The following BCCIP variants were observed in gnomAD, a reference collection of about 807,000 sequenced individuals.
BCCIP encodes BRCA2 and CDKN1A-interacting protein.
A neutral mutation model predicts 32.8 loss-of-function variants in BCCIP; 23 were observed. The ratio of observed to expected loss-of-function variants is 0.70; its 90% CI spans 0.51 to 0.99. The LOEUF is 0.99. Among genes scored for constraint, BCCIP ranks in the 50% least tolerant of loss-of-function variants. The pLI, the probability that BCCIP is intolerant of heterozygous loss-of-function variation, is 0.00. For synonymous variants in BCCIP, 144 were observed against 137.6 expected (o/e 1.05, Z -0.33); for missense variants, 378 against 379.8 (o/e 1.00, Z 0.04).
intron 6 of BCCIP, among the ~76,000 whole-genome samples, chr10:125,835,253 T>A (rs943315152): frequency 2.6e-5 from 4 of 151,842 alleles, no homozygotes; most frequent in African/African-American, 9.7e-5. Flanking sequence ...AGCTGTGCCC[T>A]TCTTTTCCAG....
At chr10:125,831,691 A>C in intron 5 of BCCIP, 84 bp downstream of exon 5, 1 of 1,337,976 alleles carries the variant, frequency 7.5e-7, no homozygotes, top group African/African-American at 1.5e-5. Context: ...GAATATGTAG[A>C]TATAGAAAGA....
At chr10:125,829,700 G>T in intron 3 of BCCIP, among the ~76,000 whole-genome samples, 1 of 152,188 alleles carries the variant, frequency 6.6e-6, no homozygotes, top group Non-Finnish European at 1.5e-5. Flanking sequence ...AGGGCAATGG[G>T]AAAAAGCAGA....
intron 7 of BCCIP, among the ~76,000 whole-genome samples, chr10:125,850,354 C>CT (rs765077777): frequency 0.045 from 5,596 of 124,532 alleles, 310 homozygotes; most frequent in African/African-American, 0.11. Context: ...TTCTTTCTTT[C>CT]TTTTTTTTTT....
chr10:125,851,877 C>T (rs540030580), intron 7 of BCCIP, among the ~76,000 whole-genome samples: 49 of 142,220 alleles, frequency 3.4e-4, no homozygotes, highest in Non-Finnish European at 5.7e-4. Context: ...GCTATGATCA[C>T]GCCACTGTAC....
intron 3 of BCCIP, among the ~76,000 whole-genome samples, chr10:125,828,388 C>T (rs1402896734): frequency 1.3e-5 from 2 of 151,906 alleles, no homozygotes; most frequent in Non-Finnish European, 2.9e-5. Flanking sequence ...TTACTGAGGT[C>T]GTAGAAGTGA....
downstream of BCCIP, among the ~76,000 whole-genome samples, chr10:125,843,285 T>C (rs1025604397): frequency 9.2e-5 from 14 of 151,886 alleles, no homozygotes; most frequent in Non-Finnish European, 1.8e-4. Context: ...ATGGTAAAAA[T>C]TTTCTTATGT....
intron 1 of BCCIP, among the ~76,000 whole-genome samples, chr10:125,824,900 C>A (rs1461158574): frequency 6.6e-6 from 1 of 152,216 alleles, no homozygotes. Flanking sequence ...GAAATAAAAT[C>A]AGAGAGGTAA....
downstream of BCCIP, among the ~76,000 whole-genome samples, chr10:125,837,780 G>C (rs1226698391): frequency 1.3e-5 from 2 of 152,186 alleles, no homozygotes; most frequent in Non-Finnish European, 2.9e-5. Flanking sequence ...ACTGCACTTA[G>C]ATAAAATATA....
At chr10:125,845,183 C>G (rs1423164592), downstream of BCCIP, among the ~76,000 whole-genome samples, 1 of 152,166 alleles carries the variant, frequency 6.6e-6, no homozygotes. Context: ...GGCATGTTTC[C>G]CATGTTCTTA....
downstream of BCCIP, among the ~76,000 whole-genome samples, chr10:125,846,782 A>T (rs1392209259): frequency 1.3e-5 from 2 of 152,198 alleles, no homozygotes; most frequent in African/African-American, 2.4e-5. Context: ...CAGCTTCTCA[A>T]ATAGAATCAA....
chr10:125,842,180 G>T lies in BCCIP; in HGVS notation c.*821G>T. 1.3e-5 allele frequency: 6 copies of T among 453,914 alleles called. No individual in the cohort carries two copies. In the South Asian group the frequency reaches 2.1e-4, roughly 16 times the overall value. The allele number at this position is 453,914 out of a possible 1,614,324, so 28.1% of individuals were successfully genotyped here. A position where few individuals can be genotyped will look rare whatever the true frequency, so the allele number is the denominator to read the frequency against. Reference sequence around the variant, plus strand: ...GGGTCCCAGCTGCAGTGTGCATGCGGGGGGAACCCAGGTGGAGCCTGCCAG... The same window carrying T: ...GGGTCCCAGCTGCAGTGTGCATGCGTGGGGAACCCAGGTGGAGCCTGCCAG... On this transcript the variant is annotated 3_prime_UTR_variant, in exon 7 of 7. Transcript: ENST00000299130.
chr10:125,848,019 C>T (rs1944046574), intron 7 of BCCIP, among the ~76,000 whole-genome samples: 1 of 152,180 alleles, frequency 6.6e-6, no homozygotes, highest in Non-Finnish European at 1.5e-5. Context: ...GGGACCCCTG[C>T]ATTAATGTAT....
At chr10:125,849,834 A>G (rs937440138) in intron 7 of BCCIP, among the ~76,000 whole-genome samples, 9 of 152,232 alleles carry the variant, frequency 5.9e-5, no homozygotes, top group Non-Finnish European at 2.9e-5. Flanking sequence ...AAACAAGCGC[A>G]TATACTTCTC....
At chr10:125,836,013 A>G (rs1444052728) in intron 6 of BCCIP, 91 bp from the exon 7 acceptor site, 3 of 1,179,190 alleles carry the variant, frequency 2.5e-6, no homozygotes, top group South Asian at 1.4e-5. Flanking sequence ...ATTTAAGCAT[A>G]TGCCAAACGT....
intron 7 of BCCIP, chr10:125,852,155 GA>G: frequency 9.3e-7 from 1 of 1,072,602 alleles, no homozygotes; most frequent in Non-Finnish European, 1.3e-6. Flanking sequence ...CCTCTAGCAG[GA>G]AAATGCTTCA....
downstream of BCCIP, chr10:125,841,507 A>C (rs1854879738): frequency 6.9e-7 from 1 of 1,440,962 alleles, no homozygotes; most frequent in Non-Finnish European, 9.1e-7. Flanking sequence ...GTTTTCATAC[A>C]TCTGATGTAT....
At chr10:125,826,398 A>T in intron 1 of BCCIP, 193 bp from the exon 2 acceptor site, 1 of 817,108 alleles carries the variant, frequency 1.2e-6, no homozygotes, top group Non-Finnish European at 1.8e-6. Context: ...GGTTTATTTG[A>T]ACTGGACTTT....
rs375513792 is a variant in BCCIP at position 125,848,413 on chromosome 10, A to G, written c.851-4712A>G. ...AACCCCAGGATACAAGAGGGCAGAC[A>G]CTCTACCCTAATTTTACAGATGAGA... On this transcript the variant is annotated intron_variant, in intron 7 of 7. Transcript: ENST00000368759. Among the ~76,000 whole-genome samples the G allele has an allele frequency of 9.2e-5, 14 of 152,274 alleles. No individual in the cohort carries two copies. The South Asian group carries it at 1.7e-3, about 18-fold the overall frequency.
intron 6 of BCCIP, among the ~76,000 whole-genome samples, chr10:125,834,847 C>G (rs1564819885): frequency 6.8e-6 from 1 of 146,070 alleles, no homozygotes; most frequent in Non-Finnish European, 1.5e-5. Context: ...ACAAAAACAT[C>G]TTGAGCCAGG....
Sources: gnomAD v4.1 joint callset for allele counts (sites outside exome capture counted in the v4.1 genomes callset) on GRCh38, gnomAD v4.1.1 for gene constraint, MANE v1.5 for transcripts, NCBI Gene and HGNC (gene_info 2026-07-23, HGNC 2026-07-21) for gene names.